The following ADAMTS2 variants were observed in gnomAD, a reference collection of about 807,000 sequenced individuals.
ADAMTS2 encodes ADAM metallopeptidase with thrombospondin type 1 motif 2.
ADAMTS2 carries 50 observed loss-of-function variants against 123.0 expected under a neutral mutation model. That is an observed-to-expected ratio of 0.41 (90% CI 0.32 to 0.51). The LOEUF is 0.51. Among genes scored for constraint, ADAMTS2 ranks in the 20% least tolerant of loss-of-function variants. ADAMTS2 has a pLI of 0.35. For synonymous variants in ADAMTS2, 678 were observed against 695.4 expected (o/e 0.98, Z 0.39); for missense variants, 1,494 against 1,705.2 (o/e 0.88, Z 2.18).
chr5:179,162,433 A>C lies in ADAMTS2; in HGVS notation c.976-3554T>G, dbSNP rs1008464127. Among the ~76,000 whole-genome samples the C allele has an allele frequency of 4.6e-5, 7 of 152,082 alleles. No homozygotes were observed. The highest frequency in any genetic ancestry group is 1.3e-4 in the Admixed American group (2 of 15,280). On this transcript the variant is annotated intron_variant, in intron 5 of 21. Coordinates refer to ENST00000251582, the MANE Select transcript of ADAMTS2 (RefSeq NM_014244.5). The surrounding 1 kb of genome is among the most constrained non-coding windows in gnomAD (Gnocchi z 5.1). ...CCACCAAGGATTAAAGGAGGATGAG[A>C]CCACTGTCGAGCTAAGACTGGGGCT...
intron 4 of ADAMTS2, among the ~76,000 whole-genome samples, chr5:179,187,357 G>A (rs968164089): frequency 1.3e-5 from 2 of 152,236 alleles, no homozygotes; most frequent in African/African-American, 4.8e-5. Flanking sequence ...CTGTGCTCCA[G>A]CGGCTAGCCC....
chr5:179,273,134 AC>A, intron 2 of ADAMTS2, 70 bp from the exon 3 acceptor site: 3 of 1,607,914 alleles, frequency 1.9e-6, no homozygotes, highest in Middle Eastern at 1.7e-4. Flanking sequence ...CAGCGAGGAG[AC>A]CCCCTCAGGG....
rs960756180 is a variant in ADAMTS2, at chr5:179,234,167, C to G, written c.689-26452G>C. Among the ~76,000 whole-genome samples the G allele has an allele frequency of 1.3e-5, 2 of 152,148 alleles. No individual in the cohort carries two copies. Among genetic ancestry groups the G allele is most frequent in the African/African-American group, 2.4e-5 (1 of 41,426 alleles). On this transcript the variant is annotated intron_variant, in intron 3 of 21. Transcript: ENST00000251582. This position sits in a 1 kb window ranked among gnomAD's most constrained non-coding sequence, Gnocchi z 4.7. ...TGCAAGCTCTCTGCCAGAAGAGACC[C>G]TCTCCTGCCACAGGCGCCCTCCCCA...
At chr5:179,310,172 G>A (rs1333472298) in intron 2 of ADAMTS2, among the ~76,000 whole-genome samples, 6 of 152,228 alleles carry the variant, frequency 3.9e-5, no homozygotes, top group Non-Finnish European at 7.3e-5. Context: ...TCCCCACAGC[G>A]CTCAGGCGCT....
intron 4 of ADAMTS2, among the ~76,000 whole-genome samples, chr5:179,206,873 G>T (rs1429977475): frequency 6.6e-6 from 1 of 152,164 alleles, no homozygotes; most frequent in Non-Finnish European, 1.5e-5. Flanking sequence ...CCATGGGCAG[G>T]TGCCCAGAAG....
intron 3 of ADAMTS2, among the ~76,000 whole-genome samples, chr5:179,267,012 T>C (rs552349355): frequency 6.6e-6 from 1 of 152,174 alleles, no homozygotes; most frequent in African/African-American, 2.4e-5. Flanking sequence ...ATCCCCACCT[T>C]GGGTCATTCA....
rs1164182042 is a variant in ADAMTS2, at chr5:179,170,208, A to G, written c.975+10864T>C. On this transcript the variant is annotated intron_variant, in intron 5 of 21. Coordinates refer to ENST00000251582, the MANE Select transcript of ADAMTS2 (RefSeq NM_014244.5). This position sits in a 1 kb window ranked among gnomAD's most constrained non-coding sequence, Gnocchi z 4.3. ...GCTAGAAGACAAACATGTCACTCAA[A>G]CAAGTGCTACCAATTTTATCCCCAC... 1.3e-5 allele frequency among the ~76,000 whole-genome samples: 2 copies of G among 152,220 alleles called. No homozygotes were observed. Among genetic ancestry groups the G allele is most frequent in the Non-Finnish European group, 2.9e-5 (2 of 68,032 alleles).
intron 3 of ADAMTS2, among the ~76,000 whole-genome samples, chr5:179,251,737 ATGGCCATCGAGGAGAAGC>A (rs1199555038): frequency 1.3e-5 from 2 of 152,226 alleles, no homozygotes; most frequent in African/African-American, 4.8e-5. Flanking sequence ...TTGTCCACAA[ATGGCCATCGAGGAGAAGC>A]TGGCCACAGA....
chr5:179,329,206 A>G (rs976766153), intron 2 of ADAMTS2, among the ~76,000 whole-genome samples: 6 of 152,014 alleles, frequency 3.9e-5, no homozygotes, highest in East Asian at 3.9e-4. Flanking sequence ...GGGCGCCTGT[A>G]GTCCCAGCTA....
chr5:179,315,478 A>C (rs1756966288), intron 2 of ADAMTS2, among the ~76,000 whole-genome samples: 1 of 152,182 alleles, frequency 6.6e-6, no homozygotes, highest in African/African-American at 2.4e-5. Flanking sequence ...ATCTCTGGGG[A>C]CTTTCCTCCC....
rs1407393100 is a variant in ADAMTS2, at chr5:179,188,396, G to A, written c.892-7241C>T. On this transcript the variant is annotated intron_variant, in intron 4 of 21. Coordinates refer to ENST00000251582, the MANE Select transcript of ADAMTS2 (RefSeq NM_014244.5). This position sits in a 1 kb window ranked among gnomAD's most constrained non-coding sequence, Gnocchi z 5.1. ...GGATGGAGGCAGAGAAGAGAGTGCA[G>A]CCAGGAGCAGGGGACAGAGGTCTGC... is the stretch of plus-strand genomic sequence containing the variant. Among the ~76,000 whole-genome samples, 1 of 152,214 alleles carries A rather than the reference G, an allele frequency of 6.6e-6. No homozygotes were observed. Among genetic ancestry groups the A allele is most frequent in the Non-Finnish European group, 1.5e-5 (1 of 68,042 alleles).
rs772622482 is a variant in ADAMTS2, at chr5:179,153,634, C to A, written c.1383-11G>T. ...AGGCAGTCATAGGAGCTGTGGGGGA[C>A]ACACGGTGCCGCGAGCAGCCTTCAG... On this transcript the variant is annotated splice_polypyrimidine_tract_variant and intron_variant, in intron 8 of 21. Coordinates refer to ENST00000251582, the MANE Select transcript of ADAMTS2 (RefSeq NM_014244.5). 11 of 1,599,322 alleles carry A rather than the reference C, an allele frequency of 6.9e-6. No individual in the cohort carries two copies. Among genetic ancestry groups the A allele is most frequent in the Middle Eastern group, 1.7e-4 (1 of 6,032 alleles).
At chr5:179,146,609 C>T (rs573334377) in intron 10 of ADAMTS2, among the ~76,000 whole-genome samples, 14 of 152,268 alleles carry the variant, frequency 9.2e-5, no homozygotes, top group Non-Finnish European at 1.9e-4. Flanking sequence ...CACTCCTCTT[C>T]GTTAATGAGA....
chr5:179,333,139 G>A (rs537408332), intron 2 of ADAMTS2, among the ~76,000 whole-genome samples: 6 of 152,302 alleles, frequency 3.9e-5, no homozygotes, highest in South Asian at 2.1e-4. Flanking sequence ...GCAGCTTCCC[G>A]CATCCCAAGC....
chr5:179,295,666 G>C (rs1487828182), intron 2 of ADAMTS2, among the ~76,000 whole-genome samples: 1 of 152,204 alleles, frequency 6.6e-6, no homozygotes, highest in East Asian at 1.9e-4. Context: ...AACCACCACA[G>C]ACTCAGGACA....
chr5:179,293,088 TCA>T (rs1165314207), intron 2 of ADAMTS2, among the ~76,000 whole-genome samples: 16 of 152,326 alleles, frequency 1.1e-4, no homozygotes, highest in Admixed American at 2.0e-4. Flanking sequence ...CCACAGCTTC[TCA>T]CTCACAGCAC....
intron 4 of ADAMTS2, among the ~76,000 whole-genome samples, chr5:179,196,823 C>T (rs944577893): frequency 2.0e-5 from 3 of 152,244 alleles, no homozygotes; most frequent in Non-Finnish European, 4.4e-5. Context: ...GTTGCAACTA[C>T]CCAACCCACT....
intron 12 of ADAMTS2, 135 bp downstream of exon 12, chr5:179,137,634 G>C: frequency 8.0e-7 from 1 of 1,246,638 alleles, no homozygotes; most frequent in Non-Finnish European, 1.1e-6. Context: ...AGCCACACCA[G>C]CCAGGGTGGG....
At chr5:179,329,128 CCATCCTGGCTAA>C (rs1757399608) in intron 2 of ADAMTS2, among the ~76,000 whole-genome samples, 2 of 152,162 alleles carry the variant, frequency 1.3e-5, no homozygotes, top group East Asian at 1.9e-4. Context: ...GAGATGGAGA[CCATCCTGGCTAA>C]CACGGTGAAA....
Sources: allele counts gnomAD v4.1 joint callset (sites outside exome capture counted in the v4.1 genomes callset), GRCh38; gene constraint gnomAD v4.1.1; non-coding constraint Gnocchi (gnomAD v3.1); transcripts MANE v1.5; gene names NCBI Gene and HGNC (gene_info 2026-07-23, HGNC 2026-07-21).